The following PHLDB2 variants were observed in gnomAD, a reference collection of about 807,000 sequenced individuals.
PHLDB2 encodes the protein pleckstrin homology-like domain family B member 2.
In PHLDB2, 71 loss-of-function variants were observed where a neutral mutation model predicts 123.6. The ratio of observed to expected loss-of-function variants is 0.57; its 90% CI spans 0.47 to 0.70. The LOEUF is 0.70. Ranked by LOEUF, PHLDB2 falls within the 30% of genes least tolerant of loss-of-function variation. PHLDB2 has a pLI of 0.00. For missense variants in PHLDB2, 1,446 were observed against 1,519.5 expected (o/e 0.95, Z 0.80); for synonymous variants, 547 against 541.6 (o/e 1.01, Z -0.14).
intron 2 of PHLDB2, among the ~76,000 whole-genome samples, chr3:111,847,253 A>T (rs1283576200): frequency 6.6e-6 from 1 of 152,226 alleles, no homozygotes; most frequent in Admixed American, 6.5e-5. Context: ...GGTAAAGACC[A>T]ATTTATGTAA....
intron 1 of PHLDB2, among the ~76,000 whole-genome samples, chr3:111,882,160 T>A (rs1415180672): frequency 1.3e-5 from 2 of 152,232 alleles, no homozygotes; most frequent in African/African-American, 4.8e-5. Flanking sequence ...ATTTTTTCCC[T>A]ATTATTTGGC....
At chr3:111,880,017 A>G (rs866657051) in intron 1 of PHLDB2, among the ~76,000 whole-genome samples, 3 of 120,138 alleles carry the variant, frequency 2.5e-5, no homozygotes, top group Middle Eastern at 5.3e-3. Flanking sequence ...GGCCATATCC[A>G]CAGTCTCTTT....
intron 1 of PHLDB2, among the ~76,000 whole-genome samples, chr3:111,876,638 G>C (rs1419763146): frequency 1.3e-5 from 2 of 151,990 alleles, no homozygotes; most frequent in Non-Finnish European, 2.9e-5. Flanking sequence ...TGTTACATAG[G>C]TATACACGTG....
At chr3:111,827,580 C>A (rs1576764771) in intron 1 of PHLDB2, among the ~76,000 whole-genome samples, 1 of 147,538 alleles carries the variant, frequency 6.8e-6, no homozygotes, top group Non-Finnish European at 1.5e-5. Context: ...GAGGCTGAGG[C>A]GGAGAATGGC....
chr3:111,824,251 C>T (rs1186707832), intron 1 of PHLDB2, among the ~76,000 whole-genome samples: 1 of 152,172 alleles, frequency 6.6e-6, no homozygotes, highest in Non-Finnish European at 1.5e-5. Context: ...CCAAATCTTA[C>T]TCCGTATGAA....
chr3:111,774,832 T>C (rs2060239082), intron 1 of PHLDB2, among the ~76,000 whole-genome samples: 2 of 152,116 alleles, frequency 1.3e-5, no homozygotes, highest in South Asian at 4.1e-4. Context: ...ACAGCTCGGG[T>C]GTGGTTTCAT....
At chr3:111,765,963 A>C (rs1284087325) in intron 1 of PHLDB2, among the ~76,000 whole-genome samples, 1 of 152,172 alleles carries the variant, frequency 6.6e-6, no homozygotes, top group Non-Finnish European at 1.5e-5. Flanking sequence ...AAACACCAGG[A>C]TTTTTAATTT....
Position 111,859,578 on chromosome 3 carries a change from T to G in PHLDB2, c.-15+2T>G. 1 of 985,252 alleles carries G rather than the reference T, an allele frequency of 1.0e-6. No individual in the cohort carries two copies. The highest frequency in any genetic ancestry group is 1.2e-6 in the Non-Finnish European group (1 of 829,946). 61.0% of individuals were successfully genotyped at this position (985,252 alleles called of 1,614,324 possible). A position where few individuals can be genotyped will look rare whatever the true frequency, so the allele number is the denominator to read the frequency against. On this transcript the variant is annotated splice_donor_variant, in intron 1 of 17. Transcript: ENST00000431670. LOFTEE classifies it low-confidence loss of function (5UTR_SPLICE). ...GGAACGGGCTGCACCAATGGCCAGG[T>G]GAGGAGGCGGCGGTGGTCGCCCGGG...
intron 2 of PHLDB2, among the ~76,000 whole-genome samples, chr3:111,893,294 T>C (rs2066610772): frequency 6.6e-6 from 1 of 151,998 alleles, no homozygotes; most frequent in South Asian, 2.1e-4. Context: ...TATTGAAAAC[T>C]ATTTTGTCCT....
intron 1 of PHLDB2, among the ~76,000 whole-genome samples, chr3:111,821,191 C>T (rs2062360917): frequency 1.3e-5 from 2 of 152,180 alleles, no homozygotes. Context: ...AAATATATGT[C>T]CCACTGCCAT....
intron 2 of PHLDB2, among the ~76,000 whole-genome samples, chr3:111,906,261 A>G (rs892706456): frequency 1.3e-5 from 2 of 152,264 alleles, no homozygotes; most frequent in African/African-American, 4.8e-5. Context: ...TTCTTAGAAC[A>G]TATCCCCATT....
chr3:111,855,799 A>G (rs911603822), upstream of PHLDB2, among the ~76,000 whole-genome samples: 3 of 151,640 alleles, frequency 2.0e-5, no homozygotes, highest in Admixed American at 1.3e-4. Context: ...CCCGGCTAAT[A>G]TTTTTGTATT....
intron 6 of PHLDB2, among the ~76,000 whole-genome samples, chr3:111,936,663 A>C (rs905722921): frequency 3.9e-5 from 6 of 152,218 alleles, no homozygotes; most frequent in Non-Finnish European, 8.8e-5. Flanking sequence ...TTTGACTTTC[A>C]TGCAGGGTTA....
chr3:111,766,255 A>T (rs1241202868), intron 1 of PHLDB2, among the ~76,000 whole-genome samples: 2 of 151,546 alleles, frequency 1.3e-5, no homozygotes, highest in Non-Finnish European at 2.9e-5. Flanking sequence ...AGCCTGGGCA[A>T]CATGGTAAAA....
chr3:111,864,327 G>C (rs1196117046), intron 1 of PHLDB2, among the ~76,000 whole-genome samples: 1 of 152,124 alleles, frequency 6.6e-6, no homozygotes, highest in Non-Finnish European at 1.5e-5. Context: ...ATATTTATTG[G>C]GATTTGATTA....
intron 8 of PHLDB2, among the ~76,000 whole-genome samples, chr3:111,944,742 G>A (rs905452603): frequency 2.0e-5 from 3 of 152,074 alleles, no homozygotes; most frequent in Admixed American, 6.5e-5. Context: ...GTGCAGTGGC[G>A]CGATCTCGGC....
At chr3:111,955,041 TAC>T (rs200702766) in intron 12 of PHLDB2, among the ~76,000 whole-genome samples, 1,715 of 149,904 alleles carry the variant, frequency 0.011, 14 homozygotes, top group African/African-American at 0.017. Context: ...AATATATATA[TAC>T]ACACACACAC....
chr3:111,938,478 A>AATAT (rs2069644419), intron 6 of PHLDB2, among the ~76,000 whole-genome samples: 1 of 152,114 alleles, frequency 6.6e-6, no homozygotes, highest in Non-Finnish European at 1.5e-5. Flanking sequence ...TATTATTATA[A>AATAT]ATATATATAG....
intron 14 of PHLDB2, among the ~76,000 whole-genome samples, chr3:111,967,474 T>C (rs560499035): frequency 2.6e-5 from 4 of 152,304 alleles, no homozygotes; most frequent in African/African-American, 9.6e-5. Context: ...TTAATTAAAT[T>C]TAGTGGTTGC....
Sources: gnomAD v4.1 joint callset for allele counts (sites outside exome capture counted in the v4.1 genomes callset) on GRCh38, gnomAD v4.1.1 for gene constraint, MANE v1.5 for transcripts, NCBI Gene and HGNC (gene_info 2026-07-23, HGNC 2026-07-21) for gene names.